The following ZBTB7C variants were observed in gnomAD, a reference collection of about 807,000 sequenced individuals.
ZBTB7C encodes zinc finger and BTB domain containing 7C, also known as zinc finger and BTB domain-containing protein 7C.
A neutral mutation model predicts 25.7 loss-of-function variants in ZBTB7C; 8 were observed. The ratio of observed to expected loss-of-function variants is 0.31; its 90% CI spans 0.18 to 0.56. The LOEUF (loss-of-function observed/expected upper bound fraction) is 0.56. Ranked by LOEUF, ZBTB7C falls within the 20% of genes least tolerant of loss-of-function variation. ZBTB7C has a pLI of 0.91. For missense variants in ZBTB7C, 824 were observed against 855.2 expected (o/e 0.96, Z 0.46); for synonymous variants, 394 against 369.0 (o/e 1.07, Z -0.78).
intron 3 of ZBTB7C, among the ~76,000 whole-genome samples, chr18:48,151,889 G>A (rs776421106): frequency 3.9e-5 from 6 of 152,058 alleles, no homozygotes; most frequent in Middle Eastern, 3.2e-3. Context: ...TTCCATACTC[G>A]CACTGTAGGT....
chr18:48,165,258 C>T (rs2041203007), intron 3 of ZBTB7C: 2 of 538,878 alleles, frequency 3.7e-6, no homozygotes, highest in Non-Finnish European at 6.6e-6. Flanking sequence ...GCAGCTCTGT[C>T]TGGGAGAAAT....
chr18:48,111,353 A>C (rs891089843), intron 3 of ZBTB7C, among the ~76,000 whole-genome samples: 2 of 152,222 alleles, frequency 1.3e-5, no homozygotes, highest in African/African-American at 4.8e-5. Flanking sequence ...CTTATGCTTT[A>C]ATTTTTTCCA....
rs761290843 is a variant in ZBTB7C, at chr18:48,040,631, TTCCTCCTCCTCC to T, written c.465_476del (p.Glu159_Glu162del). 3.1e-6 allele frequency: 5 copies of T among 1,610,726 alleles called. No individual in the cohort carries two copies. Among genetic ancestry groups the T allele is most frequent in the Non-Finnish European group, 4.2e-6 (5 of 1,179,188 alleles). ...TGTCATCATCGTCATCCTCCTCCTCTTCCTCCTCCTCCTCTTCGTCCTCCTCATCATCATCAT... is the reference window on the plus strand; with the variant it reads ...TGTCATCATCGTCATCCTCCTCCTCTTCTTCGTCCTCCTCATCATCATCAT... On this transcript the variant is annotated inframe_deletion, in exon 4 of 5. Transcript: ENST00000590800.
chr18:48,151,306 G>A (rs375843082), intron 3 of ZBTB7C, among the ~76,000 whole-genome samples: 288 of 152,210 alleles, frequency 1.9e-3, no homozygotes, highest in African/African-American at 6.7e-3. Flanking sequence ...GACCTTTTCC[G>A]TATTATAGCT....
At chr18:48,395,224 C>A (rs1260532434) in intron 1 of ZBTB7C, among the ~76,000 whole-genome samples, 1 of 148,590 alleles carries the variant, frequency 6.7e-6, no homozygotes, top group Non-Finnish European at 1.5e-5. Context: ...GTGCTGGGTG[C>A]TTTTCATCCA....
chr18:48,171,424 G>A (rs1361940623), intron 3 of ZBTB7C, among the ~76,000 whole-genome samples: 1 of 152,170 alleles, frequency 6.6e-6, no homozygotes, highest in Non-Finnish European at 1.5e-5. Flanking sequence ...ACCTAGGCCA[G>A]GCCCTTCACT....
chr18:48,334,119 T>C (rs1482706233), intron 2 of ZBTB7C, among the ~76,000 whole-genome samples: 1 of 152,136 alleles, frequency 6.6e-6, no homozygotes, highest in Non-Finnish European at 1.5e-5. Flanking sequence ...ATCCATGGCA[T>C]GCTCCCAAGT....
intron 1 of ZBTB7C, among the ~76,000 whole-genome samples, chr18:48,376,005 T>C (rs1393775913): frequency 6.6e-6 from 1 of 152,234 alleles, no homozygotes; most frequent in African/African-American, 2.4e-5. Context: ...CAGAATTGCC[T>C]GGAAGGCTTG....
chr18:48,275,608 A>G (rs1341628196), intron 2 of ZBTB7C, among the ~76,000 whole-genome samples: 2 of 152,162 alleles, frequency 1.3e-5, no homozygotes, highest in Admixed American at 6.5e-5. Context: ...CTGACCCTCA[A>G]TCCACACTAC....
intron 3 of ZBTB7C, among the ~76,000 whole-genome samples, chr18:48,093,086 G>A (rs2038479158): frequency 1.3e-5 from 2 of 152,190 alleles, no homozygotes; most frequent in South Asian, 4.1e-4. Flanking sequence ...GGGAACTCAC[G>A]ATTAACAACA....
intron 3 of ZBTB7C, among the ~76,000 whole-genome samples, chr18:48,091,505 CA>C (rs2038415897): frequency 6.6e-6 from 1 of 152,176 alleles, no homozygotes; most frequent in Admixed American, 6.5e-5. Flanking sequence ...GTTCACATTT[CA>C]AGCACTTGAT....
intron 3 of ZBTB7C, among the ~76,000 whole-genome samples, chr18:48,167,619 C>T (rs1030825977): frequency 6.0e-5 from 8 of 133,012 alleles, no homozygotes; most frequent in African/African-American, 7.8e-5. Context: ...CACGCGCATG[C>T]GCCAGTAGAC....
At chr18:48,108,871 G>A (rs994524550) in intron 3 of ZBTB7C, among the ~76,000 whole-genome samples, 11 of 152,074 alleles carry the variant, frequency 7.2e-5, no homozygotes, top group Non-Finnish European at 1.3e-4. Flanking sequence ...CAATGATTGG[G>A]AACTTGCTCC....
At chr18:48,326,323 T>C (rs2144882571) in intron 2 of ZBTB7C, among the ~76,000 whole-genome samples, 1 of 152,262 alleles carries the variant, frequency 6.6e-6, no homozygotes, top group East Asian at 1.9e-4. Context: ...CTCGAACCCC[T>C]GACCTCAAGT....
At chr18:48,038,856 A>T (rs113541399) in intron 4 of ZBTB7C, among the ~76,000 whole-genome samples, 1,669 of 152,258 alleles carry the variant, frequency 0.011, 29 homozygotes, top group African/African-American at 0.039. Context: ...CACAGGATAC[A>T]CTGAAATGAC....
At chr18:48,160,587 C>T (rs1336882520) in intron 3 of ZBTB7C, among the ~76,000 whole-genome samples, 1 of 152,176 alleles carries the variant, frequency 6.6e-6, no homozygotes, top group Non-Finnish European at 1.5e-5. Flanking sequence ...AATAAAGATC[C>T]TGGATCTATT....
At chr18:48,174,487 C>T (rs1599031194) in intron 3 of ZBTB7C, among the ~76,000 whole-genome samples, 1 of 152,242 alleles carries the variant, frequency 6.6e-6, no homozygotes, top group South Asian at 2.1e-4. Context: ...ACTGACACAA[C>T]CCCATGGAGG....
intron 1 of ZBTB7C, among the ~76,000 whole-genome samples, chr18:48,368,390 A>G (rs944066993): frequency 1.4e-4 from 21 of 152,160 alleles, no homozygotes; most frequent in African/African-American, 5.1e-4. Flanking sequence ...GATAGAAAAA[A>G]AAAGTTACTC....
chr18:48,360,127 T>G (rs1315705725), intron 1 of ZBTB7C, among the ~76,000 whole-genome samples: 1 of 152,220 alleles, frequency 6.6e-6, no homozygotes. Flanking sequence ...TAGCAGTAGA[T>G]CCCCTGCGAG....
Sources: gnomAD v4.1 joint callset for allele counts (sites outside exome capture counted in the v4.1 genomes callset) on GRCh38, gnomAD v4.1.1 for gene constraint, MANE v1.5 for transcripts, NCBI Gene and HGNC (gene_info 2026-07-23, HGNC 2026-07-21) for gene names.